GRM8: variants seen among roughly 807,000 people sequenced by gnomAD.
GRM8 encodes the protein glutamate metabotropic receptor 8, also known as metabotropic glutamate receptor 8.
A neutral mutation model predicts 87.2 loss-of-function variants in GRM8; 47 were observed. That is an observed-to-expected ratio of 0.54 (90% confidence interval 0.43 to 0.69). The LOEUF (loss-of-function observed/expected upper bound fraction) is 0.69, where lower values mean the gene tolerates loss of function less well. GRM8 is among the 30% of genes least tolerant of loss of function. The pLI is 0.00. For missense variants in GRM8, 1,019 were observed against 1,139.2 expected (o/e 0.89, Z 1.52); for synonymous variants, 396 against 404.5 (o/e 0.98, Z 0.25).
intron 7 of GRM8, among the ~76,000 whole-genome samples, chr7:126,746,889 C>G (rs552282786): frequency 4.6e-5 from 7 of 151,694 alleles, no homozygotes; most frequent in Non-Finnish European, 1.0e-4. Flanking sequence ...CAGTTTCATA[C>G]TTCTATGTAG....
chr7:126,608,653 G>A (rs968325609), intron 8 of GRM8, among the ~76,000 whole-genome samples: 2 of 152,092 alleles, frequency 1.3e-5, no homozygotes, highest in South Asian at 4.2e-4. Context: ...AACCTTCCCT[G>A]GTGTTGCAAC....
intron 6 of GRM8, among the ~76,000 whole-genome samples, chr7:126,781,640 C>T (rs913535874): frequency 1.3e-5 from 2 of 152,144 alleles, no homozygotes; most frequent in African/African-American, 4.8e-5. Context: ...TGTTATAACA[C>T]CTTAAACCTG....
intron 2 of GRM8, among the ~76,000 whole-genome samples, chr7:127,196,577 C>G (rs1233313370): frequency 6.6e-6 from 1 of 151,816 alleles, no homozygotes; most frequent in Non-Finnish European, 1.5e-5. Context: ...CCCTACCAGC[C>G]AAGTATCCTT....
At chr7:126,998,591 C>A (rs117516933) in intron 3 of GRM8, among the ~76,000 whole-genome samples, 1 of 151,208 alleles carries the variant, frequency 6.6e-6, no homozygotes, top group Non-Finnish European at 1.5e-5. Flanking sequence ...AATAAAAAAT[C>A]AATATAAATA....
intron 9 of GRM8, among the ~76,000 whole-genome samples, chr7:126,502,895 G>A (rs1462003065): frequency 1.3e-5 from 2 of 151,948 alleles, no homozygotes; most frequent in Admixed American, 6.6e-5. Context: ...GAACAGTCCT[G>A]TGCTCCATAT....
At chr7:126,579,523 A>T (rs1281416373) in intron 8 of GRM8, among the ~76,000 whole-genome samples, 1 of 152,212 alleles carries the variant, frequency 6.6e-6, no homozygotes, top group Non-Finnish European at 1.5e-5. Context: ...ACATTTAATA[A>T]GTCCATGGCA....
chr7:126,733,726 CTA>C (rs1353211334), intron 7 of GRM8, among the ~76,000 whole-genome samples: 1 of 151,846 alleles, frequency 6.6e-6, no homozygotes, highest in African/African-American at 2.4e-5. Context: ...TATAGTGTAT[CTA>C]TATTTAGTAA....
intron 2 of GRM8, among the ~76,000 whole-genome samples, chr7:127,125,635 T>TA (rs1365973627): frequency 6.6e-6 from 1 of 151,704 alleles, no homozygotes; most frequent in Non-Finnish European, 1.5e-5. Context: ...TTAATTAAAC[T>TA]AAAAAACCTT....
chr7:127,212,410 A>ATTTTTTTTTTT (rs144077638), intron 2 of GRM8, among the ~76,000 whole-genome samples: 4 of 97,694 alleles, frequency 4.1e-5, no homozygotes, highest in African/African-American at 9.0e-5. Flanking sequence ...ACATGGTGTT[A>ATTTTTTTTTTT]TTTTTTTTTT....
At chr7:126,445,529 G>A (rs974279177) in intron 10 of GRM8, 2 of 152,314 alleles carry the variant, frequency 1.3e-5, no homozygotes, top group Non-Finnish European at 2.9e-5. Flanking sequence ...CCAGGATCAT[G>A]AGGCTTTTAA....
At chr7:127,030,474 C>T (rs1817256611) in intron 3 of GRM8, among the ~76,000 whole-genome samples, 1 of 152,126 alleles carries the variant, frequency 6.6e-6, no homozygotes, top group African/African-American at 2.4e-5. Flanking sequence ...TGAGCCAAAG[C>T]CCCAATTCTA....
At chr7:126,655,963 A>G (rs1804475744) in intron 7 of GRM8, among the ~76,000 whole-genome samples, 2 of 152,226 alleles carry the variant, frequency 1.3e-5, no homozygotes. Context: ...AGAAATAGAT[A>G]TTCTACTCAA....
At chr7:126,448,326 ATGTGCCTTAATC>A (rs1193531244) in intron 9 of GRM8, among the ~76,000 whole-genome samples, 1 of 151,966 alleles carries the variant, frequency 6.6e-6, no homozygotes, top group Admixed American at 6.6e-5. Context: ...GATTTTTTAA[ATGTGCCTTAATC>A]TGTTAGTCTT....
At chr7:126,542,274 A>C (rs1373103437) in intron 8 of GRM8, among the ~76,000 whole-genome samples, 1 of 152,218 alleles carries the variant, frequency 6.6e-6, no homozygotes, top group Non-Finnish European at 1.5e-5. Flanking sequence ...TAGTCAAAAG[A>C]TACCTCATTT....
chr7:126,667,199 CAATAA>C (rs1342264817), intron 7 of GRM8, among the ~76,000 whole-genome samples: 2 of 152,118 alleles, frequency 1.3e-5, no homozygotes, highest in East Asian at 3.9e-4. Flanking sequence ...CCTCACTCTA[CAATAA>C]AGTAAACTGA....
At chr7:126,638,332 G>T (rs1290147089) in intron 7 of GRM8, among the ~76,000 whole-genome samples, 1 of 151,368 alleles carries the variant, frequency 6.6e-6, no homozygotes, top group African/African-American at 2.5e-5. Context: ...CCTTCCTACT[G>T]CTCTGGCACA....
intron 6 of GRM8, among the ~76,000 whole-genome samples, chr7:126,873,514 A>G (rs903369498): frequency 6.6e-6 from 1 of 152,070 alleles, no homozygotes; most frequent in Non-Finnish European, 1.5e-5. Context: ...CCATTCAGAG[A>G]GTAAAATAAC....
intron 8 of GRM8, among the ~76,000 whole-genome samples, chr7:126,547,718 A>G (rs865790567): frequency 6.6e-6 from 1 of 152,120 alleles, no homozygotes. Flanking sequence ...GAATCATTAA[A>G]CAAAAATATC....
At chr7:126,762,311 C>T (rs1563162377) in intron 7 of GRM8, among the ~76,000 whole-genome samples, 1 of 151,556 alleles carries the variant, frequency 6.6e-6, no homozygotes, top group Non-Finnish European at 1.5e-5. Flanking sequence ...TGGAAGAGAA[C>T]TCAAATATTA....
Sources: gnomAD v4.1 joint callset for allele counts (sites outside exome capture counted in the v4.1 genomes callset) on GRCh38, gnomAD v4.1.1 for gene constraint, MANE v1.5 for transcripts, NCBI Gene and HGNC (gene_info 2026-07-23, HGNC 2026-07-21) for gene names.